The following KCNN2 variants were observed in gnomAD, a reference collection of about 807,000 sequenced individuals.
KCNN2 encodes small conductance calcium-activated potassium channel protein 2.
Under a neutral mutation model 55.5 loss-of-function variants are expected in KCNN2, and 24 were observed. The observed-to-expected ratio is 0.43, with a 90% CI of 0.31 to 0.61. KCNN2 has a LOEUF of 0.61. Ranked by LOEUF, KCNN2 falls within the 20% of genes least tolerant of loss-of-function variation. The probability of loss-of-function intolerance (pLI) is 0.08; values close to 1 mark genes in which losing one functional copy is unlikely to be tolerated. For synonymous variants in KCNN2, 431 were observed against 336.1 expected (o/e 1.28, Z -3.09); for missense variants, 754 against 853.6 (o/e 0.88, Z 1.45).
intron 4 of KCNN2, among the ~76,000 whole-genome samples, chr5:114,470,916 C>T (rs1761702550): frequency 1.3e-5 from 2 of 152,182 alleles, no homozygotes; most frequent in Admixed American, 1.3e-4. Context: ...GTGAGGCACA[C>T]AGCTCTCAGC....
intron 1 of KCNN2, among the ~76,000 whole-genome samples, chr5:114,146,543 T>C (rs1445667783): frequency 2.6e-5 from 4 of 152,136 alleles, no homozygotes; most frequent in South Asian, 2.1e-4. Context: ...GTATCCCAGA[T>C]GAAATTGGAA....
intron 2 of KCNN2, among the ~76,000 whole-genome samples, chr5:114,229,336 C>T (rs1227141787): frequency 6.6e-6 from 1 of 151,366 alleles, no homozygotes; most frequent in Non-Finnish European, 1.5e-5. Context: ...TCTAGGAGCT[C>T]TCAGTTTTTA....
chr5:114,436,629 T>C (rs1196954674), intron 3 of KCNN2, among the ~76,000 whole-genome samples: 2 of 152,220 alleles, frequency 1.3e-5, no homozygotes, highest in Non-Finnish European at 2.9e-5. Flanking sequence ...CTTCATCTTT[T>C]GGACTATGTG....
intron 3 of KCNN2, among the ~76,000 whole-genome samples, chr5:114,412,853 A>C (rs1052201644): frequency 5.3e-5 from 8 of 152,156 alleles, no homozygotes; most frequent in African/African-American, 1.7e-4. Flanking sequence ...AAACATATCC[A>C]CCTTGATTTA....
At chr5:114,114,183 A>G (rs1210193802) in intron 1 of KCNN2, among the ~76,000 whole-genome samples, 2 of 152,086 alleles carry the variant, frequency 1.3e-5, no homozygotes, top group African/African-American at 2.4e-5. Flanking sequence ...AAATTGATGC[A>G]GACTCTTCTT....
At chr5:114,208,925 T>C (rs763911397) in intron 1 of KCNN2, among the ~76,000 whole-genome samples, 1 of 152,208 alleles carries the variant, frequency 6.6e-6, no homozygotes, top group Non-Finnish European at 1.5e-5. Context: ...CTCCCAGTCA[T>C]TATTTCAGTT....
chr5:114,124,838 A>G (rs1454400260), intron 1 of KCNN2, among the ~76,000 whole-genome samples: 2 of 152,168 alleles, frequency 1.3e-5, no homozygotes, highest in Admixed American at 6.5e-5. Flanking sequence ...CACCTCCAAT[A>G]CACACACTTT....
intron 2 of KCNN2, among the ~76,000 whole-genome samples, chr5:114,281,264 C>A (rs1328058494): frequency 6.6e-6 from 1 of 152,030 alleles, no homozygotes; most frequent in South Asian, 2.1e-4. Context: ...GTTTCTTTAT[C>A]CCTGATGAAT....
chr5:114,098,718 A>C (rs1010069212), intron 1 of KCNN2, among the ~76,000 whole-genome samples: 5 of 152,132 alleles, frequency 3.3e-5, no homozygotes, highest in Admixed American at 1.3e-4. Context: ...GGATTGCCCA[A>C]AGAAAAAGAA....
chr5:114,254,996 T>C (rs1472203942), intron 2 of KCNN2, among the ~76,000 whole-genome samples: 2 of 152,222 alleles, frequency 1.3e-5, no homozygotes, highest in Non-Finnish European at 2.9e-5. Flanking sequence ...TTCATTGGCC[T>C]CATCATTTTT....
At chr5:114,275,726 C>T (rs10463658) in intron 2 of KCNN2, among the ~76,000 whole-genome samples, 23,419 of 151,778 alleles carry the variant, frequency 0.15, 3,369 homozygotes, top group East Asian at 0.81. Context: ...TTCTCTTTTT[C>T]TTCTTTATTA....
intron 3 of KCNN2, among the ~76,000 whole-genome samples, chr5:114,427,668 A>G (rs1174531503): frequency 2.0e-5 from 3 of 152,336 alleles, no homozygotes; most frequent in South Asian, 4.1e-4. Context: ...CTGTCAGTAA[A>G]TGGGGCCTTC....
At chr5:114,382,457 T>C (rs886312996) in intron 2 of KCNN2, among the ~76,000 whole-genome samples, 4 of 152,234 alleles carry the variant, frequency 2.6e-5, no homozygotes, top group African/African-American at 9.6e-5. Context: ...TTATTTCTTC[T>C]CTTGGGAAAA....
chr5:114,230,608 T>G (rs1754340611), intron 2 of KCNN2, among the ~76,000 whole-genome samples: 1 of 68,468 alleles, frequency 1.5e-5, no homozygotes, highest in African/African-American at 4.9e-5. Flanking sequence ...ACAAAGGACA[T>G]GAACTCATCA....
chr5:114,292,640 T>G (rs1755919459), intron 2 of KCNN2, among the ~76,000 whole-genome samples: 2 of 152,214 alleles, frequency 1.3e-5, no homozygotes, highest in African/African-American at 4.8e-5. Flanking sequence ...CTTCCAGCTT[T>G]GTTCTTTTGG....
chr5:114,148,941 A>C (rs1417229222), intron 1 of KCNN2, among the ~76,000 whole-genome samples: 1 of 152,108 alleles, frequency 6.6e-6, no homozygotes, highest in Non-Finnish European at 1.5e-5. Context: ...AAGTGACCTG[A>C]ATAAGAGCCC....
intron 3 of KCNN2, among the ~76,000 whole-genome samples, chr5:114,447,673 A>G (rs1455368493): frequency 6.6e-6 from 1 of 152,060 alleles, no homozygotes; most frequent in Non-Finnish European, 1.5e-5. Flanking sequence ...TGCATTACCT[A>G]TGGGGAAAAA....
intron 2 of KCNN2, among the ~76,000 whole-genome samples, chr5:114,387,482 G>C (rs943225211): frequency 6.6e-6 from 1 of 152,082 alleles, no homozygotes; most frequent in Non-Finnish European, 1.5e-5. Context: ...TCATAATACT[G>C]TATTCTAACT....
intron 1 of KCNN2, among the ~76,000 whole-genome samples, chr5:114,189,835 G>T (rs962191259): frequency 1.8e-4 from 28 of 152,084 alleles, no homozygotes; most frequent in Non-Finnish European, 2.4e-4. Context: ...AAATAGCATT[G>T]CCAGTCAGTA....
Sources: gnomAD v4.1 joint callset for allele counts (sites outside exome capture counted in the v4.1 genomes callset) on GRCh38, gnomAD v4.1.1 for gene constraint, MANE v1.5 for transcripts, NCBI Gene and HGNC (gene_info 2026-07-23, HGNC 2026-07-21) for gene names.